ADGRG7: variants seen among roughly 807,000 people sequenced by gnomAD.
ADGRG7 encodes the protein G-protein coupled receptor 128.
ADGRG7 carries 82 observed loss-of-function variants against 88.6 expected under a neutral mutation model. The ratio of observed to expected loss-of-function variants is 0.93; its 90% CI spans 0.77 to 1.11. ADGRG7 has a LOEUF of 1.11. Among genes scored for constraint, ADGRG7 ranks in the 50% most tolerant of loss-of-function variants. The pLI is 0.00. For missense variants in ADGRG7, 945 were observed against 953.4 expected, an observed-to-expected ratio of 0.99 and a Z score of 0.12; for synonymous variants, 381 against 345.2, an observed-to-expected ratio of 1.10 and a Z score of -1.15.
chr3:100,685,460 G>A, intron 15 of ADGRG7, among the ~76,000 whole-genome samples: 1 of 151,810 alleles, frequency 6.6e-6, no homozygotes. Flanking sequence ...GTGCCATGTT[G>A]GTGTGCTGCA....
chr3:100,641,778 T>C (rs1006773879), intron 6 of ADGRG7, among the ~76,000 whole-genome samples: 3 of 152,356 alleles, frequency 2.0e-5, no homozygotes, highest in Non-Finnish European at 2.9e-5. Flanking sequence ...CTTTTCTTAT[T>C]TTCAACAGGA....
chr3:100,614,302 A>G (rs1233222032), intron 1 of ADGRG7, among the ~76,000 whole-genome samples: 1 of 152,230 alleles, frequency 6.6e-6, no homozygotes, highest in Non-Finnish European at 1.5e-5. Flanking sequence ...GAACTGGCAC[A>G]TCTTCCTGTA....
At chr3:100,635,562 G>A (rs1304270757) in intron 4 of ADGRG7, 115 bp from the exon 5 acceptor site, 19 of 1,500,378 alleles carry the variant, frequency 1.3e-5, no homozygotes, top group Admixed American at 2.3e-5. Context: ...GAGTGGACAT[G>A]GTGTTCAGGA....
intron 15 of ADGRG7, among the ~76,000 whole-genome samples, chr3:100,674,228 C>T (rs2094962102): frequency 6.6e-6 from 1 of 152,128 alleles, no homozygotes; most frequent in Admixed American, 6.6e-5. Context: ...TAATGTGATT[C>T]CTCCAGTTTT....
At position 100,629,625 on chromosome 3, in the gene ADGRG7, C is replaced by T. The variant is rs769323367; in HGVS notation, c.143C>T (p.Pro48Leu). 3.1e-6 allele frequency: 5 copies of T among 1,613,022 alleles called. No homozygotes were observed. The highest frequency in any genetic ancestry group is 4.2e-6 in the Non-Finnish European group (5 of 1,179,308). Residue 48 changes from proline (P) to leucine (L), a missense_variant, in exon 2 of 16, where the codon CCT (proline) becomes CTT (leucine). Physicochemically the swap from Pro to Leu is moderately conservative, Grantham distance 98. Transcript: ENST00000273352. ...AAATCTACTTCCTCATCAAGCACCCCTACAGAGTTCTGCAGGAATGGTGGA... is the reference window on the plus strand; with the variant it reads ...AAATCTACTTCCTCATCAAGCACCCTTACAGAGTTCTGCAGGAATGGTGGA... The part of the protein sequence containing the change: ...RGKSTSSSST[P>L]TEFCRNGGTW...
intron 14 of ADGRG7, among the ~76,000 whole-genome samples, chr3:100,664,047 T>G (rs2094948803): frequency 6.6e-6 from 1 of 152,084 alleles, no homozygotes; most frequent in Admixed American, 6.6e-5. Flanking sequence ...ATTATAACTC[T>G]CGACTGCCAT....
chr3:100,666,563 C>CA (rs200394616), intron 14 of ADGRG7, among the ~76,000 whole-genome samples: 2,277 of 152,352 alleles, frequency 0.015, 30 homozygotes, highest in Middle Eastern at 0.078. Flanking sequence ...ATGGACCGTA[C>CA]AATCGGGTTT....
rs1367135706 is a variant in ADGRG7, at chr3:100,664,008, G to A, written c.1979+4165G>A. Among the ~76,000 whole-genome samples the A allele has an allele frequency of 3.3e-5, 5 of 151,802 alleles. No homozygotes were observed. The South Asian group carries it at 1.0e-3, about 32-fold the overall frequency. On this transcript the variant is annotated intron_variant, in intron 14 of 15. Transcript: ENST00000273352. ...AGTTTTAAGTTAATTTTTTCCTATG[G>A]CACAAAACTAATCACAAGTATACCC...
intron 15 of ADGRG7, among the ~76,000 whole-genome samples, chr3:100,679,266 C>T (rs1013448266): frequency 6.6e-6 from 1 of 152,216 alleles, no homozygotes; most frequent in Non-Finnish European, 1.5e-5. Context: ...CTGTGACAAA[C>T]ATTGCCTGGC....
intron 11 of ADGRG7, among the ~76,000 whole-genome samples, chr3:100,653,107 T>C (rs1489937625): frequency 6.6e-6 from 1 of 152,180 alleles, no homozygotes; most frequent in Non-Finnish European, 1.5e-5. Context: ...GAAAATAAGG[T>C]TCTGAAAAGT....
chr3:100,664,965 C>G (rs1466636664), intron 14 of ADGRG7: 4 of 357,060 alleles, frequency 1.1e-5, no homozygotes, highest in Non-Finnish European at 2.2e-5. Flanking sequence ...AGTAACAATG[C>G]ATTTTTAGAC....
At chr3:100,621,248 G>C (rs1279689154) in intron 1 of ADGRG7, among the ~76,000 whole-genome samples, 1 of 152,078 alleles carries the variant, frequency 6.6e-6, no homozygotes, top group Non-Finnish European at 1.5e-5. Flanking sequence ...AGGAAGAGTT[G>C]CATGTCTCTC....
intron 11 of ADGRG7, among the ~76,000 whole-genome samples, chr3:100,652,715 A>G (rs894167325): frequency 8.5e-5 from 13 of 152,210 alleles, no homozygotes; most frequent in Admixed American, 7.2e-4. Flanking sequence ...GCTAGCACAG[A>G]ATATATACAT....
chr3:100,628,374 GT>G (rs35854044), intron 1 of ADGRG7, among the ~76,000 whole-genome samples: 3 of 146,382 alleles, frequency 2.0e-5, no homozygotes, highest in South Asian at 2.2e-4. Flanking sequence ...TGTTTTTTTT[GT>G]TTTTTTTTTG....
At position 100,613,142 on chromosome 3, in the gene ADGRG7, G is replaced by A. The variant is rs112204625; in HGVS notation, c.115+3171G>A. 6.3e-3 allele frequency among the ~76,000 whole-genome samples: 957 copies of A among 152,170 alleles called. 16 individuals are homozygous for A. Among genetic ancestry groups the A allele is most frequent in the African/African-American group, 0.022 (916 of 41,518 alleles). On this transcript the variant is annotated intron_variant, in intron 1 of 15. Coordinates refer to ENST00000273352, the MANE Select transcript of ADGRG7 (RefSeq NM_032787.3). ...TGACCTTAAGTGATCTGCCCGCCTC[G>A]GCCTCCCAAAGTGCTGGGATTACAG... is the stretch of plus-strand genomic sequence containing the variant.
At chr3:100,648,305 A>G (rs552879183) in intron 10 of ADGRG7, among the ~76,000 whole-genome samples, 16 of 25,746 alleles carry the variant, frequency 6.2e-4, no homozygotes, top group Non-Finnish European at 3.0e-3. Context: ...ATGGCTGATT[A>G]AAATTGCATG....
rs191483212 is a variant in ADGRG7, at chr3:100,685,374, T to A, written c.2137-9370T>A. ...TGTATTTTTCCCCATTCTTTTTTTT[T>A]AAATTTTATTATTATTATACTTTAA... On this transcript the variant is annotated intron_variant, in intron 15 of 15. Transcript: ENST00000273352. 2.7e-3 allele frequency among the ~76,000 whole-genome samples: 407 copies of A among 152,254 alleles called. 1 individual carries two copies. Among genetic ancestry groups the A allele is most frequent in the African/African-American group, 9.5e-3 (393 of 41,552 alleles).
intron 1 of ADGRG7, among the ~76,000 whole-genome samples, chr3:100,615,273 T>C (rs754896175): frequency 1.7e-4 from 26 of 152,350 alleles, no homozygotes; most frequent in Non-Finnish European, 3.2e-4. Flanking sequence ...ACTGGTTATA[T>C]GATATGAACA....
intron 15 of ADGRG7, among the ~76,000 whole-genome samples, chr3:100,670,203 T>C (rs2094956706): frequency 6.6e-6 from 1 of 152,082 alleles, no homozygotes; most frequent in Non-Finnish European, 1.5e-5. Context: ...CTACTCTCTA[T>C]CTCCAGGATT....
Sources: gnomAD v4.1 joint callset for allele counts (sites outside exome capture counted in the v4.1 genomes callset) on GRCh38, gnomAD v4.1.1 for gene constraint, MANE v1.5 for transcripts, NCBI Gene and HGNC (gene_info 2026-07-23, HGNC 2026-07-21) for gene names.